BZW2: variants seen among roughly 807,000 people sequenced by gnomAD.
The protein encoded by BZW2 is basic leucine zipper and W2 domains 2, also known as eIF5-mimic protein 1.
A neutral mutation model predicts 53.2 loss-of-function variants in BZW2; 23 were observed. That is an observed-to-expected ratio of 0.43 (90% CI 0.31 to 0.61). The LOEUF (loss-of-function observed/expected upper bound fraction) is 0.61, where lower values mean the gene tolerates loss of function less well. Among genes scored for constraint, BZW2 ranks in the 20% least tolerant of loss-of-function variants. The pLI is 0.09. For synonymous variants in BZW2, 227 were observed against 186.4 expected (o/e 1.22, Z -1.77); for missense variants, 409 against 503.1 (o/e 0.81, Z 1.79).
intron 1 of BZW2, among the ~76,000 whole-genome samples, chr7:16,656,134 T>G (rs1283113461): frequency 5.4e-5 from 8 of 148,862 alleles, no homozygotes; most frequent in African/African-American, 2.0e-4. Context: ...TATATATAAA[T>G]GACTATATAT....
intron 2 of BZW2, 76 bp downstream of exon 2, chr7:16,665,577 C>T (rs1782398946): frequency 6.4e-7 from 1 of 1,563,282 alleles, no homozygotes; most frequent in African/African-American, 1.4e-5. Context: ...TCTGAATGAT[C>T]CCTGTTTCCC....
chr7:16,674,530 A>C lies in BZW2; in HGVS notation c.177A>C (p.Leu59Phe). The part of the protein sequence containing the change: ...AKFLDSTGSR[L>F]DYRRYADTLF... ...TTCTGGACTCTACAGGCTCAAGATT[A>C]GATTATCGTCGCTATGCAGACACAC... is the stretch of plus-strand genomic sequence containing the variant. Residue 59 changes from leucine (L) to phenylalanine (F), a missense_variant, in exon 3 of 12, where the codon TTA (leucine) becomes TTC (phenylalanine). This residue lies in a region of BZW2 where 316 missense variants were observed against 366.8 expected (regional missense o/e 0.86). Coordinates refer to ENST00000258761, the MANE Select transcript of BZW2 (RefSeq NM_014038.3). 6.2e-7 allele frequency: 1 copy of C among 1,612,426 alleles called. No homozygotes were observed. The highest frequency in any genetic ancestry group is 8.5e-7 in the Non-Finnish European group (1 of 1,178,942).
chr7:16,695,334 A>G (rs1783445119), intron 8 of BZW2, among the ~76,000 whole-genome samples: 1 of 152,168 alleles, frequency 6.6e-6, no homozygotes, highest in Non-Finnish European at 1.5e-5. Context: ...GTAGTTTTAA[A>G]ATTTTGTTGC....
At position 16,665,510 on chromosome 7, in the gene BZW2, T is replaced by G. The variant is rs763789179; in HGVS notation, c.58+9T>G. On this transcript the variant is annotated intron_variant, in intron 2 of 11. Coordinates refer to ENST00000258761, the MANE Select transcript of BZW2 (RefSeq NM_014038.3). The stretch of plus-strand genomic sequence containing the variant: ...CAAAACTCGGAAAAGGGGTAGGTTG[T>G]GTGTGTGTGTGTGTGTGTGTTTAAA... The G allele has an allele frequency of 7.4e-5, 112 of 1,507,558 alleles. No homozygotes were observed. The highest frequency in any genetic ancestry group is 9.8e-5 in the Non-Finnish European group (107 of 1,092,354). The allele number at this position is 1,507,558 out of a possible 1,614,324, so 93.4% of individuals were successfully genotyped here.
chr7:16,669,286 C>G lies in BZW2; in HGVS notation c.58+3785C>G, dbSNP rs145597651. 1.4e-4 allele frequency among the ~76,000 whole-genome samples: 22 copies of G among 152,252 alleles called. No homozygotes were observed. The East Asian group carries it at 4.3e-3, about 29-fold the overall frequency. ...GATTACAGGCGTGCACCACCACACC[C>G]AGCTAAGTTTTGTATTTTTTAGTAA... On this transcript the variant is annotated intron_variant, in intron 2 of 11. Coordinates refer to ENST00000258761, the MANE Select transcript of BZW2 (RefSeq NM_014038.3).
intron 11 of BZW2, 25 bp from the exon 12 acceptor site, chr7:16,706,035 A>G (rs761116148): frequency 6.2e-7 from 1 of 1,613,642 alleles, no homozygotes; most frequent in Admixed American, 1.7e-5. Flanking sequence ...GGGAGGAAAT[A>G]TCTCACTTCT....
At chr7:16,699,581 A>G (rs904096589) in intron 10 of BZW2, among the ~76,000 whole-genome samples, 1 of 152,210 alleles carries the variant, frequency 6.6e-6, no homozygotes, top group African/African-American at 2.4e-5. Flanking sequence ...TTCTTGTCAT[A>G]TAAAAGATAA....
intron 9 of BZW2, 154 bp from the exon 10 acceptor site, chr7:16,697,894 C>T (rs1281995591): frequency 1.2e-6 from 1 of 859,260 alleles, no homozygotes; most frequent in African/African-American, 1.7e-5. Flanking sequence ...TTCTGTTCCC[C>T]TCACCCCATT....
chr7:16,681,453 C>T, intron 4 of BZW2, 49 bp downstream of exon 4: 2 of 1,478,264 alleles, frequency 1.4e-6, no homozygotes, highest in Non-Finnish European at 1.9e-6. Flanking sequence ...CTGAGGAAAA[C>T]TCTATAGAAG....
intron 3 of BZW2, 105 bp from the exon 4 acceptor site, chr7:16,681,196 C>T (rs1344038011): frequency 3.5e-6 from 3 of 868,582 alleles, no homozygotes; most frequent in Middle Eastern, 2.3e-4. Flanking sequence ...TTAGATTTTA[C>T]ATCTACTTTG....
intron 10 of BZW2, among the ~76,000 whole-genome samples, chr7:16,703,349 G>A (rs1488529756): frequency 6.6e-6 from 1 of 151,920 alleles, no homozygotes; most frequent in African/African-American, 2.4e-5. Flanking sequence ...GTTCATTTTA[G>A]TCAGCTCAGC....
At chr7:16,705,967 A>C in intron 11 of BZW2, 93 bp from the exon 12 acceptor site, 3 of 1,408,012 alleles carry the variant, frequency 2.1e-6, no homozygotes, top group Non-Finnish European at 2.0e-6. Flanking sequence ...ATGCTGGTGC[A>C]ATGGCAGGGT....
chr7:16,668,181 G>A (rs1463161239), intron 2 of BZW2, among the ~76,000 whole-genome samples: 2 of 152,186 alleles, frequency 1.3e-5, no homozygotes, highest in African/African-American at 4.8e-5. Flanking sequence ...ATCTTTATTA[G>A]TGTGACGCTA....
rs1252668399 is a variant in BZW2, at chr7:16,681,458, T to C, written c.339+54T>C. ...TTGAAGAGGACTGAGGAAAACTCTA[T>C]AGAAGCTCTACAGTCCACCCACTTT... On this transcript the variant is annotated intron_variant, in intron 4 of 11. Coordinates refer to ENST00000258761, the MANE Select transcript of BZW2 (RefSeq NM_014038.3). The C allele has an allele frequency of 7.7e-6, 11 of 1,435,492 alleles. No homozygotes were observed. The East Asian group carries it at 1.4e-4, about 18-fold the overall frequency. The allele number at this position is 1,435,492 out of a possible 1,614,324, so 88.9% of individuals were successfully genotyped here.
At position 16,698,155 on chromosome 7, in the gene BZW2, CT is replaced by C; in HGVS notation, c.1080del (p.Gln361ArgfsTer13). 1 of 1,614,180 alleles carries C rather than the reference CT, an allele frequency of 6.2e-7. No homozygotes were observed. Among genetic ancestry groups the C allele is most frequent in the Non-Finnish European group, 8.5e-7 (1 of 1,180,026 alleles). On this transcript the variant is annotated frameshift_variant, in exon 10 of 12. Coordinates refer to ENST00000258761, the MANE Select transcript of BZW2 (RefSeq NM_014038.3). LOFTEE classifies it high-confidence loss of function. ...ACGACAACATCCATTTCATGAAAGC[CT>C]TTCAGAAGATTGTGGTTCTCTTTTA... Reference protein sequence around the residue: ...CYDNIHFMKAFQKIVVLFYKA... With the variant: ...CYDNIHFMKAXQKIVVLFYKA...
At chr7:16,693,134 A>T (rs1484056496) in intron 7 of BZW2, among the ~76,000 whole-genome samples, 1 of 152,210 alleles carries the variant, frequency 6.6e-6, no homozygotes, top group African/African-American at 2.4e-5. Flanking sequence ...GACTCTCAAC[A>T]GGATCACTCT....
chr7:16,699,323 T>C (rs1246716318), intron 10 of BZW2, among the ~76,000 whole-genome samples: 7 of 152,122 alleles, frequency 4.6e-5, no homozygotes, highest in Non-Finnish European at 1.5e-5. Context: ...CCCCACCCAA[T>C]GATACCCAAA....
chr7:16,674,905 G>A (rs1782721319), intron 3 of BZW2, among the ~76,000 whole-genome samples: 2 of 151,822 alleles, frequency 1.3e-5, no homozygotes, highest in Admixed American at 6.6e-5. Flanking sequence ...CCATAAAAGG[G>A]GTAATTTCTG....
intron 1 of BZW2, among the ~76,000 whole-genome samples, chr7:16,656,291 A>G (rs955634435): frequency 6.6e-6 from 1 of 152,080 alleles, no homozygotes; most frequent in African/African-American, 2.4e-5. Flanking sequence ...CAGACCAGTT[A>G]CTTTGGAGAA....
Sources: allele counts gnomAD v4.1 joint callset (sites outside exome capture counted in the v4.1 genomes callset), GRCh38; gene constraint gnomAD v4.1.1; regional missense constraint gnomAD v4.1.1; transcripts MANE v1.5; gene names NCBI Gene and HGNC (gene_info 2026-07-23, HGNC 2026-07-21).